DOCK1: variants seen among roughly 807,000 people sequenced by gnomAD.
DOCK1 encodes dedicator of cytokinesis protein 1.
DOCK1 carries 138 observed loss-of-function variants against 262.7 expected under a neutral mutation model. That is an observed-to-expected ratio of 0.53 (90% confidence interval 0.46 to 0.61). The LOEUF (loss-of-function observed/expected upper bound fraction) is 0.61. DOCK1 is among the 20% of genes least tolerant of loss of function. DOCK1 has a pLI of 0.00. For synonymous variants in DOCK1, 866 were observed against 867.4 expected (o/e 1.00, Z 0.03); for missense variants, 1,908 against 2,370.7 (o/e 0.80, Z 4.05).
At position 127,451,480 on chromosome 10, in the gene DOCK1, T is replaced by C. The variant is rs958188973; in HGVS notation, c.*53T>C. On this transcript the variant is annotated 3_prime_UTR_variant, in exon 52 of 52. Coordinates refer to ENST00000623213, the MANE Select transcript of DOCK1 (RefSeq NM_001290223.2). ...GCTGCCCCTCCCCATCTCCATGCCC[T>C]CTCCTTCTGTGTCCCCTGAGTCTGC... The C allele has an allele frequency of 2.9e-5, 45 of 1,549,070 alleles. No homozygotes were observed. Among genetic ancestry groups the C allele is most frequent in the Non-Finnish European group, 3.8e-5 (44 of 1,146,952 alleles).
At chr10:127,361,383 G>A (rs769916127) in intron 32 of DOCK1, among the ~76,000 whole-genome samples, 3 of 152,056 alleles carry the variant, frequency 2.0e-5, no homozygotes, top group African/African-American at 7.2e-5. Flanking sequence ...CAAAGTGCTG[G>A]GATTACAGGC....
chr10:127,110,498 C>G (rs965776160), intron 25 of DOCK1, 144 bp downstream of exon 25: 8 of 715,130 alleles, frequency 1.1e-5, no homozygotes, highest in Admixed American at 4.9e-5. Context: ...AAGATTTAGC[C>G]CTTACAAGAG....
At chr10:126,939,206 C>A (rs1030801557) in intron 1 of DOCK1, among the ~76,000 whole-genome samples, 1 of 152,086 alleles carries the variant, frequency 6.6e-6, no homozygotes, top group African/African-American at 2.4e-5. Flanking sequence ...CTATAAGGGG[C>A]CTGATTCCAT....
intron 47 of DOCK1, 59 bp downstream of exon 47, chr10:127,426,070 G>T: frequency 6.2e-7 from 1 of 1,606,818 alleles, no homozygotes; most frequent in South Asian, 1.1e-5. Context: ...TCCCACTGTT[G>T]AACAGGGACA....
At chr10:127,215,383 C>T (rs1284988639) in intron 27 of DOCK1, among the ~76,000 whole-genome samples, 2 of 152,158 alleles carry the variant, frequency 1.3e-5, no homozygotes, top group Non-Finnish European at 2.9e-5. Context: ...CTCTGTGGTC[C>T]GCCTGGTGCT....
chr10:127,406,059 G>T lies in DOCK1; in HGVS notation c.4122+1630G>T, dbSNP rs531676620. Among the ~76,000 whole-genome samples, 4 of 152,310 alleles carry T rather than the reference G, an allele frequency of 2.6e-5. No individual in the cohort carries two copies. The East Asian group carries it at 7.7e-4, about 29-fold the overall frequency. On this transcript the variant is annotated intron_variant, in intron 40 of 51. Coordinates refer to ENST00000623213, the MANE Select transcript of DOCK1 (RefSeq NM_001290223.2). ...GCTAAAGGCTTTAATTCGAGTGTGT[G>T]TGTGCTCCGGAACATACATCTTTAG...
chr10:127,319,779 C>T lies in DOCK1; in HGVS notation c.3045-19227C>T, dbSNP rs537235112. Among the ~76,000 whole-genome samples the T allele has an allele frequency of 2.4e-4, 36 of 152,294 alleles. No homozygotes were observed. In the South Asian group the frequency reaches 4.8e-3, roughly 20 times the overall value. On this transcript the variant is annotated intron_variant, in intron 29 of 51. Transcript: ENST00000623213. ...AGCATCATGTGGCCACGTGTCTGCT[C>T]GGCTCTGCCTTACTAATTGTGTTTA...
chr10:127,111,772 A>T (rs1316136075), intron 25 of DOCK1, among the ~76,000 whole-genome samples: 1 of 152,214 alleles, frequency 6.6e-6, no homozygotes, highest in Non-Finnish European at 1.5e-5. Context: ...CTGCATCACC[A>T]GCACTACCGT....
At chr10:127,095,018 G>GA (rs1460514640) in intron 23 of DOCK1, among the ~76,000 whole-genome samples, 2 of 151,988 alleles carry the variant, frequency 1.3e-5, no homozygotes, top group African/African-American at 2.4e-5. Context: ...GGTATCAAGT[G>GA]AAAAAACAAA....
intron 16 of DOCK1, among the ~76,000 whole-genome samples, chr10:127,027,930 T>C (rs2042980930): frequency 6.6e-6 from 1 of 151,862 alleles, no homozygotes; most frequent in Admixed American, 6.6e-5. Flanking sequence ...TGGTGTGTGG[T>C]CTGCAGAGCT....
chr10:127,042,585 G>T, intron 19 of DOCK1, 40 bp from the exon 20 acceptor site: 1 of 1,576,346 alleles, frequency 6.3e-7, no homozygotes, highest in African/African-American at 1.3e-5. Flanking sequence ...GGGAAGTCCG[G>T]TGGGTTCACA....
intron 27 of DOCK1, among the ~76,000 whole-genome samples, chr10:127,232,138 T>G (rs1166413310): frequency 6.6e-6 from 1 of 151,874 alleles, no homozygotes; most frequent in Non-Finnish European, 1.5e-5. Flanking sequence ...TCCTGAAGGG[T>G]GCAGACCTTT....
chr10:127,127,541 A>AT, intron 26 of DOCK1, 128 bp from the exon 27 acceptor site: 1 of 582,510 alleles, frequency 1.7e-6, no homozygotes, highest in Non-Finnish European at 2.7e-6. Context: ...GACAAGGGCC[A>AT]TTTTTCATCT....
intron 25 of DOCK1, among the ~76,000 whole-genome samples, chr10:127,111,925 A>G (rs911453990): frequency 1.3e-5 from 2 of 151,986 alleles, no homozygotes; most frequent in African/African-American, 2.4e-5. Context: ...ATATTTACAT[A>G]TATTTTTAAA....
At position 127,337,391 on chromosome 10, in the gene DOCK1, G is replaced by T. The variant is rs111341689; in HGVS notation, c.3045-1615G>T. Among the ~76,000 whole-genome samples, 54 of 152,288 alleles carry T rather than the reference G, an allele frequency of 3.5e-4. No homozygotes were observed. The East Asian group carries it at 9.3e-3, about 26-fold the overall frequency. On this transcript the variant is annotated intron_variant, in intron 29 of 51. Coordinates refer to ENST00000623213, the MANE Select transcript of DOCK1 (RefSeq NM_001290223.2). ...GCTGATTAGAGTTGCCAGGCATCCC[G>T]TATATGCAAAGCATGTCCTGAATTT...
At chr10:127,383,284 A>C (rs550844005) in intron 37 of DOCK1, among the ~76,000 whole-genome samples, 22 of 152,292 alleles carry the variant, frequency 1.4e-4, no homozygotes, top group African/African-American at 5.1e-4. Flanking sequence ...TTGCTTCCCT[A>C]GTCCATGTTT....
rs933199912 is a variant in DOCK1 at position 127,420,326 on chromosome 10, T to A, written c.4776+577T>A. ...AAGGGCAGACCCTGGGTGCCTTGGG[T>A]TTAAGTGTCAGAACCGGACGGATGC... On this transcript the variant is annotated intron_variant, in intron 46 of 51. Transcript: ENST00000623213. Among the ~76,000 whole-genome samples, 51 of 152,088 alleles carry A rather than the reference T, an allele frequency of 3.4e-4. 1 individual carries two copies. Among genetic ancestry groups the A allele is most frequent in the Admixed American group, 2.5e-3 (38 of 15,290 alleles).
chr10:127,299,939 G>A (rs1027653852), intron 29 of DOCK1, among the ~76,000 whole-genome samples: 2 of 152,184 alleles, frequency 1.3e-5, no homozygotes, highest in Admixed American at 6.5e-5. Context: ...TTCCTGCAAA[G>A]TTCCTTATCT....
chr10:127,020,039 G>A (rs1355961093), intron 13 of DOCK1, among the ~76,000 whole-genome samples: 1 of 152,126 alleles, frequency 6.6e-6, no homozygotes, highest in African/African-American at 2.4e-5. Context: ...GCTGTTGTGG[G>A]TCATTGAATA....
Sources: allele counts gnomAD v4.1 joint callset (sites outside exome capture counted in the v4.1 genomes callset), GRCh38; gene constraint gnomAD v4.1.1; transcripts MANE v1.5; gene names NCBI Gene and HGNC (gene_info 2026-07-23, HGNC 2026-07-21).